Variants in C5orf46 observed in about 807,000 individuals in gnomAD.
C5orf46 encodes the protein chromosome 5 open reading frame 46.
C5orf46 carries 9 observed loss-of-function variants against 8.9 expected under a neutral mutation model. That is an observed-to-expected ratio of 1.01 (90% CI 0.61 to 1.76). The LOEUF is 1.76. C5orf46 is among the 40% of genes most tolerant of loss of function. The probability of loss-of-function intolerance (pLI) is 0.00; values close to 1 mark genes in which losing one functional copy is unlikely to be tolerated. For missense variants in C5orf46, 98 were observed against 107.8 expected (o/e 0.91, Z 0.40); for synonymous variants, 47 against 41.4 (o/e 1.14, Z -0.52).
At chr5:147,896,618 A>G (rs912593001) in intron 3 of C5orf46, among the ~76,000 whole-genome samples, 3 of 152,102 alleles carry the variant, frequency 2.0e-5, no homozygotes, top group African/African-American at 7.2e-5. Context: ...AGCAAATTTC[A>G]CTCTTCTTAT....
chr5:147,889,346 A>T (rs144815591), downstream of C5orf46, among the ~76,000 whole-genome samples: 1,065 of 152,288 alleles, frequency 7.0e-3, 11 homozygotes, highest in African/African-American at 0.024. Flanking sequence ...GACAACAGCA[A>T]CAATATTGGT....
In C5orf46 at chr5:147,901,704, T is replaced by C; in HGVS notation, c.140A>G (p.Lys47Arg). Residue 47 changes from lysine (K) to arginine (R), a missense_variant, in exon 2 of 4, where the codon AAA becomes AGA. Lys to Arg is a conservative substitution (Grantham distance 26). Coordinates refer to ENST00000318315, the MANE Select transcript of C5orf46 (RefSeq NM_206966.3). ...SGKDPKPDFP[K>R]FLSLLGTEII... ...CTCTGTGCCCAGGAGGCTTAGGAATTTGGGGAAGTCTGGCTTTGGGTCTTT... is the reference window on the plus strand; with the variant it reads ...CTCTGTGCCCAGGAGGCTTAGGAATCTGGGGAAGTCTGGCTTTGGGTCTTT... 2 of 1,613,968 alleles carry C rather than the reference T, an allele frequency of 1.2e-6. No homozygotes were observed. The highest frequency in any genetic ancestry group is 1.1e-5 in the South Asian group (1 of 91,066).
chr5:147,887,534 G>A (rs1475881276), intron 2 of C5orf46: 2 of 151,940 alleles, frequency 1.3e-5, no homozygotes, highest in East Asian at 1.9e-4. Flanking sequence ...ATATATTTTC[G>A]ATTCAGCAAA....
rs750048775 is a variant in C5orf46, at chr5:147,901,785, C to T, written c.71-12G>A. 1 of 1,611,946 alleles carries T rather than the reference C, an allele frequency of 6.2e-7. No homozygotes were observed. Among genetic ancestry groups the T allele is most frequent in the East Asian group, 2.2e-5 (1 of 44,768 alleles). On this transcript the variant is annotated splice_polypyrimidine_tract_variant and intron_variant, in intron 1 of 3. Coordinates refer to ENST00000318315, the MANE Select transcript of C5orf46 (RefSeq NM_206966.3). ...GTCTGGTTTGTCGTCTGAAAAACAA[C>T]AGAATCTCAGAGGTGATTCTCAGCA...
chr5:147,899,136 T>A (rs1423077606), intron 2 of C5orf46, among the ~76,000 whole-genome samples: 1 of 152,214 alleles, frequency 6.6e-6, no homozygotes, highest in Non-Finnish European at 1.5e-5. Flanking sequence ...CTCCTTTCGC[T>A]GGAAACTGCC....
chr5:147,888,996 G>A (rs1757461568), downstream of C5orf46, among the ~76,000 whole-genome samples: 1 of 151,980 alleles, frequency 6.6e-6, no homozygotes, highest in Non-Finnish European at 1.5e-5. Flanking sequence ...ATGTCCATTA[G>A]CATTTTTTAA....
chr5:147,888,418 C>A (rs1306792642), downstream of C5orf46, among the ~76,000 whole-genome samples: 2 of 152,186 alleles, frequency 1.3e-5, no homozygotes, highest in Non-Finnish European at 2.9e-5. Flanking sequence ...TGACCATAAC[C>A]TATGAGGTCC....
At chr5:147,891,609 TATTA>T (rs547746174), downstream of C5orf46, among the ~76,000 whole-genome samples, 348 of 152,316 alleles carry the variant, frequency 2.3e-3, 1 homozygote, top group African/African-American at 7.9e-3. Context: ...ATAAGTAGTG[TATTA>T]ATTAATATAG....
At chr5:147,905,119 G>A (rs1757730470) in intron 1 of C5orf46, among the ~76,000 whole-genome samples, 1 of 151,854 alleles carries the variant, frequency 6.6e-6, no homozygotes, top group African/African-American at 2.4e-5. Flanking sequence ...AATCTTCAAA[G>A]TCAATAGTTT....
intron 1 of C5orf46, 151 bp downstream of exon 1, chr5:147,906,281 A>T (rs1422703791): frequency 2.3e-6 from 1 of 440,796 alleles, no homozygotes; most frequent in African/African-American, 2.0e-5. Flanking sequence ...TCTTTGTGTT[A>T]GAAGATACAC....
chr5:147,896,925 T>C, intron 3 of C5orf46, 59 bp downstream of exon 3: 4 of 761,376 alleles, frequency 5.3e-6, no homozygotes, highest in Non-Finnish European at 8.1e-6. Flanking sequence ...CTGGACAGAC[T>C]CTTTTTCCTT....
intron 1 of C5orf46, among the ~76,000 whole-genome samples, chr5:147,905,623 A>G (rs927725753): frequency 1.5e-4 from 23 of 152,230 alleles, no homozygotes; most frequent in African/African-American, 5.5e-4. Flanking sequence ...TTTGCAGACA[A>G]ACAGTAAATT....
At chr5:147,905,657 G>T (rs1343506475) in intron 1 of C5orf46, among the ~76,000 whole-genome samples, 1 of 152,188 alleles carries the variant, frequency 6.6e-6, no homozygotes, top group African/African-American at 2.4e-5. Context: ...GCAGCATACA[G>T]CATGAGCTTC....
chr5:147,894,158 A>G lies in C5orf46; in HGVS notation c.*10-1219T>C, dbSNP rs184682557. Among the ~76,000 whole-genome samples, 120 of 152,282 alleles carry G rather than the reference A, an allele frequency of 7.9e-4. 1 individual carries two copies. The highest frequency in any genetic ancestry group is 3.4e-3 in the Middle Eastern group (1 of 294). ...ACTTGTATAAAAATTAAGAATTCAT[A>G]AAGTGACTTTCTATCCATTACCTCT... On this transcript the variant is annotated intron_variant, in intron 3 of 3. Transcript: ENST00000318315.
At chr5:147,888,566 C>T (rs1450629193), downstream of C5orf46, among the ~76,000 whole-genome samples, 1 of 152,138 alleles carries the variant, frequency 6.6e-6, no homozygotes. Context: ...TCCTTCATTG[C>T]CTTATGAATT....
chr5:147,893,529 C>T (rs1757534629), intron 3 of C5orf46, among the ~76,000 whole-genome samples: 1 of 151,894 alleles, frequency 6.6e-6, no homozygotes, highest in South Asian at 2.1e-4. Context: ...CATGATTTGC[C>T]TGCCTCAGCC....
downstream of C5orf46, among the ~76,000 whole-genome samples, chr5:147,890,790 T>C (rs1332755987): frequency 6.6e-6 from 1 of 152,144 alleles, no homozygotes; most frequent in Non-Finnish European, 1.5e-5. Context: ...AAGAGAAAGC[T>C]AATGAGTAGG....
At chr5:147,899,356 T>C (rs1757632887) in intron 2 of C5orf46, among the ~76,000 whole-genome samples, 1 of 152,112 alleles carries the variant, frequency 6.6e-6, no homozygotes, top group Non-Finnish European at 1.5e-5. Flanking sequence ...CCACCCCCTA[T>C]TTTGCTTATG....
chr5:147,891,951 GACAA>G (rs3069811), downstream of C5orf46, among the ~76,000 whole-genome samples: 3 of 152,032 alleles, frequency 2.0e-5, no homozygotes, highest in South Asian at 6.2e-4. Flanking sequence ...CAGGAAGACA[GACAA>G]ACAAAACATT....
Sources: allele counts gnomAD v4.1 joint callset (sites outside exome capture counted in the v4.1 genomes callset), GRCh38; gene constraint gnomAD v4.1.1; transcripts MANE v1.5; gene names NCBI Gene and HGNC (gene_info 2026-07-23, HGNC 2026-07-21).